The following GLRB variants were observed in gnomAD, a reference collection of about 807,000 sequenced individuals.
GLRB encodes the protein glycine receptor beta.
In GLRB, 33 loss-of-function variants were observed where a neutral mutation model predicts 54.2. The observed-to-expected ratio is 0.61, with a 90% confidence interval of 0.46 to 0.81. The LOEUF (loss-of-function observed/expected upper bound fraction) is 0.81. Among genes scored for constraint, GLRB ranks in the 40% least tolerant of loss-of-function variants. The pLI is 0.00. For missense variants in GLRB, 572 were observed against 584.6 expected (o/e 0.98, Z 0.22); for synonymous variants, 209 against 208.2 (o/e 1.00, Z -0.03).
intron 8 of GLRB, among the ~76,000 whole-genome samples, chr4:157,152,379 C>T (rs1329858315): frequency 6.6e-6 from 1 of 152,090 alleles, no homozygotes; most frequent in African/African-American, 2.4e-5. Context: ...TAATCTGTCT[C>T]ATAAGAGAGC....
intron 9 of GLRB, among the ~76,000 whole-genome samples, chr4:157,165,300 G>A (rs1333750594): frequency 6.6e-6 from 1 of 151,838 alleles, no homozygotes; most frequent in African/African-American, 2.4e-5. Context: ...TTAATTCAAT[G>A]GTTTTGCAAT....
chr4:157,087,362 T>C (rs1734448696), intron 2 of GLRB, among the ~76,000 whole-genome samples: 1 of 152,156 alleles, frequency 6.6e-6, no homozygotes, highest in Admixed American at 6.5e-5. Context: ...TTTCAATAAG[T>C]CACTTAATCT....
At chr4:157,129,892 T>C (rs987536682) in intron 4 of GLRB, among the ~76,000 whole-genome samples, 29 of 151,690 alleles carry the variant, frequency 1.9e-4, no homozygotes, top group Middle Eastern at 3.4e-3. Context: ...TAATTGTAGG[T>C]AGATCATCTC....
chr4:157,088,138 T>C (rs2126442313), intron 2 of GLRB, among the ~76,000 whole-genome samples: 1 of 152,262 alleles, frequency 6.6e-6, no homozygotes, highest in African/African-American at 2.4e-5. Flanking sequence ...ATCTGACATT[T>C]ATTACTCTTC....
chr4:157,087,692 A>C (rs1734461415), intron 2 of GLRB, among the ~76,000 whole-genome samples: 1 of 152,080 alleles, frequency 6.6e-6, no homozygotes. Context: ...CTGAACTCCA[A>C]AGTAGAAGAG....
At chr4:157,081,938 C>T (rs1734235840) in intron 2 of GLRB, among the ~76,000 whole-genome samples, 1 of 152,170 alleles carries the variant, frequency 6.6e-6, no homozygotes, top group Non-Finnish European at 1.5e-5. Context: ...AGTATCTTCC[C>T]CATCCCGACC....
chr4:157,120,498 C>A, intron 2 of GLRB, 58 bp from the exon 3 acceptor site: 1 of 849,680 alleles, frequency 1.2e-6, no homozygotes, highest in Non-Finnish European at 2.0e-6. Flanking sequence ...ATGAGAATTA[C>A]CCATTTCTGT....
intron 7 of GLRB, among the ~76,000 whole-genome samples, chr4:157,143,304 G>A (rs1246946336): frequency 2.0e-5 from 3 of 151,836 alleles, no homozygotes; most frequent in African/African-American, 7.3e-5. Context: ...TAATTTTTAA[G>A]GTTTATCTAT....
chr4:157,090,672 A>T (rs1040898582), intron 2 of GLRB, among the ~76,000 whole-genome samples: 5 of 152,180 alleles, frequency 3.3e-5, no homozygotes, highest in Non-Finnish European at 7.4e-5. Flanking sequence ...TCTGTCTTGC[A>T]CTTTGAGTGG....
At position 157,139,598 on chromosome 4, in the gene GLRB, T is replaced by C. The variant is rs557698320; in HGVS notation, c.751+649T>C. On this transcript the variant is annotated intron_variant, in intron 7 of 9. Transcript: ENST00000264428. Reference sequence around the variant, plus strand: ...ATAATATGATTAGTGTTCAACCTTTTATTTTCTGCTAGTAGTTCTAGGTTA... The same window carrying C: ...ATAATATGATTAGTGTTCAACCTTTCATTTTCTGCTAGTAGTTCTAGGTTA... Among the ~76,000 whole-genome samples the C allele has an allele frequency of 2.8e-4, 42 of 152,178 alleles. No individual in the cohort carries two copies. In the South Asian group the frequency reaches 7.5e-3, roughly 27 times the overall value.
chr4:157,081,719 C>T (rs559138515), intron 2 of GLRB, among the ~76,000 whole-genome samples: 2 of 152,282 alleles, frequency 1.3e-5, no homozygotes, highest in South Asian at 4.1e-4. Context: ...TCATTGACTC[C>T]TTTTCAGTTT....
chr4:157,148,989 T>A (rs1736919246), intron 8 of GLRB, among the ~76,000 whole-genome samples: 1 of 151,970 alleles, frequency 6.6e-6, no homozygotes, highest in Non-Finnish European at 1.5e-5. Context: ...TAAATTATAA[T>A]TTTATCTAAA....
At chr4:157,151,219 G>A (rs1306975339) in intron 8 of GLRB, among the ~76,000 whole-genome samples, 1 of 152,072 alleles carries the variant, frequency 6.6e-6, no homozygotes, top group Non-Finnish European at 1.5e-5. Flanking sequence ...AAATAAGTTA[G>A]GCTTGTTTTT....
intron 4 of GLRB, among the ~76,000 whole-genome samples, chr4:157,133,694 A>G (rs1736298198): frequency 6.6e-6 from 1 of 151,996 alleles, no homozygotes; most frequent in South Asian, 2.1e-4. Flanking sequence ...TGTTTTCTGA[A>G]AGTCTATGAT....
At chr4:157,123,539 T>C (rs1735908578) in intron 4 of GLRB, among the ~76,000 whole-genome samples, 1 of 151,782 alleles carries the variant, frequency 6.6e-6, no homozygotes. Flanking sequence ...GGGGATTATG[T>C]CCAAAATTCA....
rs913611935 is a variant in GLRB at position 157,105,419 on chromosome 4, G to C, written c.123-15137G>C. On this transcript the variant is annotated intron_variant, in intron 2 of 9. Coordinates refer to ENST00000264428, the MANE Select transcript of GLRB (RefSeq NM_000824.5). ...ATTTCAATCTTCTTAAACTATGTAAGACTTGTTTTGGAACCTAACATGTGA... is the reference window on the plus strand; with the variant it reads ...ATTTCAATCTTCTTAAACTATGTAACACTTGTTTTGGAACCTAACATGTGA... Among the ~76,000 whole-genome samples the C allele has an allele frequency of 2.0e-5, 3 of 151,994 alleles. No homozygotes were observed. In the East Asian group the frequency reaches 5.8e-4, roughly 29 times the overall value.
Position 157,107,722 on chromosome 4 carries a change from C to T in GLRB, c.123-12834C>T, listed in dbSNP as rs573609229. 1.7e-4 allele frequency among the ~76,000 whole-genome samples: 26 copies of T among 152,182 alleles called. No homozygotes were observed. In the South Asian group the frequency reaches 2.1e-3, roughly 12 times the overall value. Reference sequence around the variant, plus strand: ...ACAGCAAGTATTGATGTTGAAGCCACAGCAAGTTATCCAGAAGATCTAGCT... The same window carrying T: ...ACAGCAAGTATTGATGTTGAAGCCATAGCAAGTTATCCAGAAGATCTAGCT... On this transcript the variant is annotated intron_variant, in intron 2 of 9. Transcript: ENST00000264428.
chr4:157,094,418 A>G (rs1037843805), intron 2 of GLRB, among the ~76,000 whole-genome samples: 2 of 152,144 alleles, frequency 1.3e-5, no homozygotes, highest in African/African-American at 2.4e-5. Flanking sequence ...CATTATATGA[A>G]TCACTGCAGT....
At chr4:157,147,204 G>A (rs767189370) in intron 8 of GLRB, among the ~76,000 whole-genome samples, 16 of 152,196 alleles carry the variant, frequency 1.1e-4, no homozygotes, top group Non-Finnish European at 1.9e-4. Flanking sequence ...TGGAATCACA[G>A]GGGAGTGAGC....
Sources: allele counts gnomAD v4.1 joint callset (sites outside exome capture counted in the v4.1 genomes callset), GRCh38; gene constraint gnomAD v4.1.1; transcripts MANE v1.5; gene names NCBI Gene and HGNC (gene_info 2026-07-23, HGNC 2026-07-21).